The following NT5DC4 variants were observed in gnomAD, a reference collection of about 807,000 sequenced individuals.
NT5DC4 encodes 5'-nucleotidase domain-containing protein 4.
NT5DC4 carries 44 observed loss-of-function variants against 26.6 expected under a neutral mutation model. That is an observed-to-expected ratio of 1.65 (90% CI 1.30 to 2.13). NT5DC4 has a LOEUF of 2.13. NT5DC4 is among the 30% of genes most tolerant of loss of function. NT5DC4 has a pLI of 0.00. For synonymous variants in NT5DC4, 157 were observed against 86.7 expected, an observed-to-expected ratio of 1.81 and a Z score of -4.51; for missense variants, 399 against 228.1, an observed-to-expected ratio of 1.75 and a Z score of -4.83.
intron 16 of NT5DC4, 70 bp downstream of exon 16, chr2:112,729,774 G>T: frequency 7.0e-6 from 5 of 715,796 alleles, no homozygotes; most frequent in Non-Finnish European, 1.3e-5. Flanking sequence ...TCCCAGTGGG[G>T]TTGTATCAAC....
At chr2:112,732,355 C>T (rs867272618) in intron 16 of NT5DC4, among the ~76,000 whole-genome samples, 195 of 152,156 alleles carry the variant, frequency 1.3e-3, no homozygotes, top group African/African-American at 4.5e-3. Flanking sequence ...GTCTCACTGG[C>T]CTGTGTCTTT....
rs1388124210 is a variant in NT5DC4 at position 112,723,885 on chromosome 2, G to GCCCA, written c.756+83_756+84insCCCA. On this transcript the variant is annotated intron_variant, in intron 9 of 16. Transcript: ENST00000688554. ...AGTGGCACTGCAAGCAACAGGGAGG[G>GCCCA]GTGGGGCGGGGAGCCAAGACCCTCC... The GCCCA allele has an allele frequency of 4.3e-6, 3 of 702,152 alleles. No homozygotes were observed. In the Admixed American group the frequency reaches 6.1e-5, roughly 14 times the overall value. The allele number at this position is 702,152 out of a possible 1,614,324, so 43.5% of individuals were successfully genotyped here. A position where few individuals can be genotyped will look rare whatever the true frequency, so the allele number is the denominator to read the frequency against.
At chr2:112,740,481 G>A (rs939626804), downstream of NT5DC4, among the ~76,000 whole-genome samples, 3 of 152,142 alleles carry the variant, frequency 2.0e-5, no homozygotes, top group South Asian at 2.1e-4. Context: ...ACTGCTCTCC[G>A]TTCTTAGAGG....
intron 15 of NT5DC4, 143 bp downstream of exon 15, chr2:112,726,881 G>A: frequency 1.5e-6 from 1 of 661,378 alleles, no homozygotes; most frequent in Non-Finnish European, 2.8e-6. Context: ...GGCTCCACCT[G>A]CCTTGTCAGC....
At chr2:112,740,784 TG>T, downstream of NT5DC4, 2 of 1,544,870 alleles carry the variant, frequency 1.3e-6, no homozygotes, top group South Asian at 2.3e-5. Flanking sequence ...GAATTAAGTC[TG>T]TGAACACAAA....
chr2:112,724,706 TG>T, intron 10 of NT5DC4, 74 bp from the exon 11 acceptor site: 3 of 695,642 alleles, frequency 4.3e-6, no homozygotes, highest in Non-Finnish European at 2.7e-6. Context: ...AGAGGCAGGC[TG>T]TGGTGGGTGA....
At position 112,722,736 on chromosome 2, in the gene NT5DC4, G is replaced by T. The variant is rs1282038923; in HGVS notation, c.492G>T (p.Leu164Phe). The T allele has an allele frequency of 4.2e-6, 3 of 717,706 alleles. No homozygotes were observed. Among genetic ancestry groups the T allele is most frequent in the Non-Finnish European group, 7.8e-6 (3 of 385,134 alleles). 44.5% of individuals were successfully genotyped at this position (717,706 alleles called of 1,614,324 possible). A position where few individuals can be genotyped will look rare whatever the true frequency, so the allele number is the denominator to read the frequency against. The change falls in exon 6 of 17, where the codon TTG (leucine) becomes TTT (phenylalanine). Residue 164 changes from leucine (L) to phenylalanine (F), a missense_variant. Leu to Phe is a conservative substitution (Grantham distance 22). Transcript: ENST00000688554. ...CAGAAACCTACCTCTATGCCTGCTT[G>T]GTGGACTTCTTCTCTGGCTGCTCCC... ...NLPETYLYAC[L>F]VDFFSGCSRY...
In NT5DC4 at chr2:112,726,358, C is replaced by G. The variant is rs1447778324; in HGVS notation, c.1205+69C>G. On this transcript the variant is annotated intron_variant, in intron 14 of 16. Transcript: ENST00000688554. Reference sequence around the variant, plus strand: ...GTATGGAGGGGCAGTGGCTCACATCCCTGCCTGGCGGCGAGGTCCCGGCCA... The same window carrying G: ...GTATGGAGGGGCAGTGGCTCACATCGCTGCCTGGCGGCGAGGTCCCGGCCA... The G allele has an allele frequency of 4.2e-6, 3 of 713,932 alleles. No individual in the cohort carries two copies. The South Asian group carries it at 4.5e-5, about 11-fold the overall frequency. 44.2% of individuals were successfully genotyped at this position (713,932 alleles called of 1,614,324 possible). A position where few individuals can be genotyped will look rare whatever the true frequency, so the allele number is the denominator to read the frequency against.
At position 112,723,080 on chromosome 2, in the gene NT5DC4, G is replaced by C. The variant is rs1216154682; in HGVS notation, c.528-1G>C. 5.6e-6 allele frequency: 4 copies of C among 714,878 alleles called. No homozygotes were observed. Among genetic ancestry groups the C allele is most frequent in the Non-Finnish European group, 1.0e-5 (4 of 383,640 alleles). The allele number at this position is 714,878 out of a possible 1,614,324, so 44.3% of individuals were successfully genotyped here. A position where few individuals can be genotyped will look rare whatever the true frequency, so the allele number is the denominator to read the frequency against. On this transcript the variant is annotated splice_acceptor_variant, in intron 6 of 16. Coordinates refer to ENST00000688554, the MANE Select transcript of NT5DC4 (RefSeq NM_001393655.1). LOFTEE classifies it high-confidence loss of function. ...CCCCGTCCCCTCTTTGCCTGCCCCA[G>C]TTGTGACACCGGCTATCAGCATGGG...
chr2:112,727,115 A>C, intron 15 of NT5DC4: 4 of 259,720 alleles, frequency 1.5e-5, no homozygotes, highest in Non-Finnish European at 2.3e-5. Flanking sequence ...AAGAGAAGAA[A>C]AGACAGTGTT....
chr2:112,737,639 C>T (rs1679394709), intron 16 of NT5DC4: 1 of 152,076 alleles, frequency 6.6e-6, no homozygotes, highest in African/African-American at 2.4e-5. Flanking sequence ...GTTTATAGCT[C>T]AGTTTTTTGA....
rs1255601978 is a variant in NT5DC4, at chr2:112,723,488, G to A, written c.672+20G>A. 2.8e-6 allele frequency: 2 copies of A among 716,892 alleles called. No individual in the cohort carries two copies. Among genetic ancestry groups the A allele is most frequent in the South Asian group, 1.5e-5 (1 of 67,562 alleles). The allele number at this position is 716,892 out of a possible 1,614,324, so 44.4% of individuals were successfully genotyped here. ...AAGGATGTGAGTGGCCACAGACCCA[G>A]GGCCATGGCCATCACCCCCAAAGCA... On this transcript the variant is annotated intron_variant, in intron 8 of 16. Coordinates refer to ENST00000688554, the MANE Select transcript of NT5DC4 (RefSeq NM_001393655.1).
At chr2:112,730,151 A>C (rs1678304856) in intron 16 of NT5DC4, among the ~76,000 whole-genome samples, 1 of 151,980 alleles carries the variant, frequency 6.6e-6, no homozygotes, top group South Asian at 2.1e-4. Context: ...CGTCTCTATT[A>C]AAAATACAAA....
At chr2:112,722,655 C>T (rs1340250602) in intron 5 of NT5DC4, 59 bp from the exon 6 acceptor site, 3 of 717,474 alleles carry the variant, frequency 4.2e-6, no homozygotes, top group East Asian at 5.4e-5. Flanking sequence ...CCAGCTCTGT[C>T]CTGGTGGAGA....
chr2:112,726,887 T>C (rs1368061285), intron 15 of NT5DC4, 149 bp downstream of exon 15: 2 of 658,786 alleles, frequency 3.0e-6, no homozygotes, highest in Non-Finnish European at 5.6e-6. Context: ...ACCTGCCTTG[T>C]CAGCCAGCGC....
At chr2:112,726,392 A>C (rs1677720071) in intron 14 of NT5DC4, 103 bp downstream of exon 14, 1 of 700,558 alleles carries the variant, frequency 1.4e-6, no homozygotes, top group South Asian at 1.5e-5. Flanking sequence ...CAAGGTTGTC[A>C]GAACATCAAG....
upstream of NT5DC4, among the ~76,000 whole-genome samples, chr2:112,719,938 C>CTTTT (rs569573373): frequency 1.7e-3 from 142 of 83,598 alleles, no homozygotes; most frequent in African/African-American, 7.0e-3. Context: ...TTCTTTCTTT[C>CTTTT]TTTCTTTCTT....
rs767313662 is a variant in NT5DC4, at chr2:112,724,844, C to T, written c.853C>T (p.Pro285Ser). Reference protein sequence around the residue: ...FDLIVVDTQKPHFFAEGLVLR... With the variant: ...FDLIVVDTQKSHFFAEGLVLR... ...CCTGATCGTGGTGGACACGCAGAAG[C>T]CCCACTTCTTTGCAGAGGGGTTGGT... The change falls in exon 11 of 17, where the codon CCC (proline) becomes TCC (serine). Residue 285 changes from proline (P) to serine (S), a missense_variant. Pro to Ser is a moderately conservative substitution (Grantham distance 74). Transcript: ENST00000688554. The T allele has an allele frequency of 5.6e-6, 4 of 717,230 alleles. No individual in the cohort carries two copies. Among genetic ancestry groups the T allele is most frequent in the Admixed American group, 4.0e-5 (2 of 50,012 alleles). 44.4% of individuals were successfully genotyped at this position (717,230 alleles called of 1,614,324 possible).
chr2:112,726,523 C>A (rs549882609), intron 14 of NT5DC4, among the ~76,000 whole-genome samples, 155 bp from the exon 15 acceptor site: 55 of 152,300 alleles, frequency 3.6e-4, no homozygotes, highest in Non-Finnish European at 1.2e-4. Context: ...CACTCAGGGA[C>A]CTGCCCTCGC....
Sources: gnomAD v4.1 joint callset for allele counts (sites outside exome capture counted in the v4.1 genomes callset) on GRCh38, gnomAD v4.1.1 for gene constraint, MANE v1.5 for transcripts, NCBI Gene and HGNC (gene_info 2026-07-23, HGNC 2026-07-21) for gene names.